Variants in PCDHGB5 observed in about 807,000 individuals in gnomAD.
The protein encoded by PCDHGB5 is protocadherin gamma-B5.
A neutral mutation model predicts 62.9 loss-of-function variants in PCDHGB5; 48 were observed. The ratio of observed to expected loss-of-function variants is 0.76; its 90% CI spans 0.61 to 0.97. The LOEUF is 0.97. Ranked by LOEUF, PCDHGB5 falls within the 50% of genes least tolerant of loss-of-function variation. The pLI is 0.00. For missense variants in PCDHGB5, 1,118 were observed against 1,198.6 expected, an observed-to-expected ratio of 0.93 and a Z score of 0.99; for synonymous variants, 474 against 511.2, an observed-to-expected ratio of 0.93 and a Z score of 0.98.
At chr5:141,413,306 A>G in intron 1 of PCDHGB5, 1 of 1,613,958 alleles carries the variant, frequency 6.2e-7, no homozygotes, top group Non-Finnish European at 8.5e-7. Context: ...GAGGAATTAG[A>G]GAAAGGCTCT....
At chr5:141,471,263 C>T (rs2099253826) in intron 1 of PCDHGB5, 1 of 151,898 alleles carries the variant, frequency 6.6e-6, no homozygotes, top group African/African-American at 2.4e-5. Context: ...GTTGGCAAGG[C>T]TGGTCTCAAA....
At chr5:141,418,744 T>C in intron 1 of PCDHGB5, 1 of 1,613,936 alleles carries the variant, frequency 6.2e-7, no homozygotes, top group Non-Finnish European at 8.5e-7. Context: ...TCTCTCTGGA[T>C]TACACTACAG....
Position 141,486,859 on chromosome 5 carries a change from T to C in PCDHGB5, c.2398-7948T>C, listed in dbSNP as rs1231188225. ...TTGTGCTGGACCTCAATGACAATGC[T>C]CCAGCTGTGCTCCGTCCTCGGGCCC... On this transcript the variant is annotated intron_variant, in intron 1 of 3. Transcript: ENST00000617380. The surrounding 1 kb of genome is among the most constrained non-coding windows in gnomAD (Gnocchi z 5.0). The C allele has an allele frequency of 1.9e-6, 3 of 1,614,242 alleles. No individual in the cohort carries two copies. The highest frequency in any genetic ancestry group is 2.7e-5 in the African/African-American group (2 of 75,072).
At chr5:141,403,560 A>G in intron 1 of PCDHGB5, 1 of 1,613,972 alleles carries the variant, frequency 6.2e-7, no homozygotes, top group Non-Finnish European at 8.5e-7. Context: ...CTGGACAGGG[A>G]GGAGGCAACT....
Position 141,486,006 on chromosome 5 carries a change from C to G in PCDHGB5, c.2398-8801C>G, listed in dbSNP as rs1394484191. The G allele has an allele frequency of 1.9e-6, 3 of 1,614,190 alleles. No individual in the cohort carries two copies. The highest frequency in any genetic ancestry group is 1.1e-5 in the South Asian group (1 of 91,084). On this transcript the variant is annotated intron_variant, in intron 1 of 3. Transcript: ENST00000617380. The surrounding 1 kb of genome is among the most constrained non-coding windows in gnomAD (Gnocchi z 5.0). Reference sequence around the variant, plus strand: ...GACCTGGGTCCCAGTGGTAACGTCACCTTTTATTTCAGTGGTCATACCCCT... The same window carrying G: ...GACCTGGGTCCCAGTGGTAACGTCAGCTTTTATTTCAGTGGTCATACCCCT...
Position 141,490,611 on chromosome 5 carries a change from G to GCTTTA in PCDHGB5, c.2398-4194_2398-4190dup. On this transcript the variant is annotated intron_variant, in intron 1 of 3. Coordinates refer to ENST00000617380, the MANE Select transcript of PCDHGB5 (RefSeq NM_018925.3). The surrounding 1 kb of genome is among the most constrained non-coding windows in gnomAD (Gnocchi z 5.4). The stretch of plus-strand genomic sequence containing the variant: ...ACAATGCACCCCGCTTCAACCAGCA[G>GCTTTA]CTTTACACTGCTTACATCCTAGAAA... 6.2e-7 allele frequency: 1 copy of GCTTTA among 1,614,170 alleles called. No individual in the cohort carries two copies. Among genetic ancestry groups the GCTTTA allele is most frequent in the Non-Finnish European group, 8.5e-7 (1 of 1,180,036 alleles).
intron 1 of PCDHGB5, chr5:141,403,850 G>T: frequency 6.2e-7 from 1 of 1,613,634 alleles, no homozygotes; most frequent in Non-Finnish European, 8.5e-7. Context: ...AAATACTGGG[G>T]AAATATCAAC....
At chr5:141,468,402 T>A (rs2154569909) in intron 1 of PCDHGB5, 1 of 150,014 alleles carries the variant, frequency 6.7e-6, no homozygotes, top group East Asian at 2.0e-4. Context: ...TGGTGAGAAC[T>A]AATAATAAGT....
chr5:141,441,838 C>T, intron 1 of PCDHGB5: 4 of 355,582 alleles, frequency 1.1e-5, no homozygotes, highest in South Asian at 9.6e-5. Flanking sequence ...TGGCTTCGCG[C>T]TCTTGGATAT....
chr5:141,403,476 A>G lies in PCDHGB5; in HGVS notation c.2397+2952A>G, dbSNP rs1258805283. The G allele has an allele frequency of 5.6e-6, 9 of 1,613,972 alleles. No homozygotes were observed. In the Admixed American group the frequency reaches 8.3e-5, roughly 15 times the overall value. On this transcript the variant is annotated intron_variant, in intron 1 of 3. Coordinates refer to ENST00000617380, the MANE Select transcript of PCDHGB5 (RefSeq NM_018925.3). ...CTCCAGAGCTACCAGCTCAGCCCCA[A>G]TCACCACTTCTCCCTGAACGTGCAG...
chr5:141,470,794 C>T (rs1332287628), intron 1 of PCDHGB5, among the ~76,000 whole-genome samples: 1 of 152,162 alleles, frequency 6.6e-6, no homozygotes, highest in African/African-American at 2.4e-5. Flanking sequence ...CTCAAGCAAT[C>T]CTCCCACTTC....
intron 1 of PCDHGB5, chr5:141,427,959 C>A: frequency 1.3e-6 from 2 of 1,588,886 alleles, no homozygotes; most frequent in Non-Finnish European, 1.7e-6. Flanking sequence ...CAATGTGCCG[C>A]GGGTGCTGTA....
At position 141,491,127 on chromosome 5, in the gene PCDHGB5, C is replaced by T. The variant is rs2099708654; in HGVS notation, c.2398-3680C>T. On this transcript the variant is annotated intron_variant, in intron 1 of 3. Transcript: ENST00000617380. This position sits in a 1 kb window ranked among gnomAD's most constrained non-coding sequence, Gnocchi z 6.9. ...TGTCTACACACACTGGTGAGGTGCGCACAGCCCGGGCCTTACTGGAGGATG... is the reference window on the plus strand; with the variant it reads ...TGTCTACACACACTGGTGAGGTGCGTACAGCCCGGGCCTTACTGGAGGATG... 1 of 1,614,076 alleles carries T rather than the reference C, an allele frequency of 6.2e-7. No individual in the cohort carries two copies. The highest frequency in any genetic ancestry group is 1.3e-5 in the African/African-American group (1 of 74,942).
chr5:141,482,016 C>T (rs2099550411), intron 1 of PCDHGB5, among the ~76,000 whole-genome samples: 1 of 148,596 alleles, frequency 6.7e-6, no homozygotes, highest in African/African-American at 2.5e-5. Context: ...TCTCAGGAAG[C>T]AGAGGTTGCA....
intron 1 of PCDHGB5, chr5:141,433,250 G>A: frequency 1.4e-6 from 2 of 1,440,892 alleles, no homozygotes; most frequent in Non-Finnish European, 1.9e-6. Flanking sequence ...CTGGAATGCA[G>A]CGGTACGATC....
At position 141,477,262 on chromosome 5, in the gene PCDHGB5, C is replaced by G; in HGVS notation, c.2398-17545C>G. On this transcript the variant is annotated intron_variant, in intron 1 of 3. Coordinates refer to ENST00000617380, the MANE Select transcript of PCDHGB5 (RefSeq NM_018925.3). The surrounding 1 kb of genome is among the most constrained non-coding windows in gnomAD (Gnocchi z 4.9). ...TCAGTGTGACTGACCTGGATGCTGG[C>G]GAGAACGGGCTGGTGACCTGCGAAG... The G allele has an allele frequency of 6.2e-7, 1 of 1,614,138 alleles. No homozygotes were observed.
rs1384790784 is a variant in PCDHGB5, at chr5:141,431,800, G to T, written c.2397+31276G>T. 1 of 1,614,206 alleles carries T rather than the reference G, an allele frequency of 6.2e-7. No individual in the cohort carries two copies. Among genetic ancestry groups the T allele is most frequent in the African/African-American group, 1.3e-5 (1 of 75,054 alleles). ...ACGTGAACGACAATGCCCCAGAAGT[G>T]GTCCTCACCTCTCTCGCCAGCTCGG... On this transcript the variant is annotated intron_variant, in intron 1 of 3. Transcript: ENST00000617380. This position sits in a 1 kb window ranked among gnomAD's most constrained non-coding sequence, Gnocchi z 4.8.
chr5:141,415,740 G>GTTTT lies in PCDHGB5; in HGVS notation c.2397+15245_2397+15248dup, dbSNP rs57426385. ...TGAGTAGAATTTGATGTTTATTAAG[G>GTTTT]TTTTTTTTTTTTTTTTTTTTTTTTT... On this transcript the variant is annotated intron_variant, in intron 1 of 3. Transcript: ENST00000617380. 3.9e-3 allele frequency: 2,454 copies of GTTTT among 623,032 alleles called. 15 individuals carry two copies. Among genetic ancestry groups the GTTTT allele is most frequent in the South Asian group, 7.6e-3 (262 of 34,698 alleles). 38.6% of individuals were successfully genotyped at this position (623,032 alleles called of 1,614,324 possible).
At chr5:141,441,855 G>A in intron 1 of PCDHGB5, 3 of 351,872 alleles carry the variant, frequency 8.5e-6, no homozygotes, top group Admixed American at 4.0e-5. Flanking sequence ...ATATGGTGCT[G>A]CACGCCGCGG....
Sources: gnomAD v4.1 joint callset for allele counts (sites outside exome capture counted in the v4.1 genomes callset) on GRCh38, gnomAD v4.1.1 for gene constraint, Gnocchi (gnomAD v3.1) non-coding constraint, MANE v1.5 for transcripts, NCBI Gene and HGNC (gene_info 2026-07-23, HGNC 2026-07-21) for gene names.